TES: variants seen among roughly 807,000 people sequenced by gnomAD.
TES encodes testin.
A neutral mutation model predicts 48.2 loss-of-function variants in TES; 41 were observed. The observed-to-expected ratio is 0.85, with a 90% CI of 0.66 to 1.10. The LOEUF is 1.10. Ranked by LOEUF, TES falls within the 50% of genes least tolerant of loss-of-function variation. The pLI is 0.00. For synonymous variants in TES, 162 were observed against 174.9 expected (o/e 0.93, Z 0.58); for missense variants, 463 against 515.1 (o/e 0.90, Z 0.98).
chr7:116,255,918 TTAA>T (rs1197186754), intron 6 of TES, among the ~76,000 whole-genome samples: 1 of 146,844 alleles, frequency 6.8e-6, no homozygotes, highest in African/African-American at 2.6e-5. Flanking sequence ...AATGGAAAGA[TTAA>T]TATGAAATGC....
At chr7:116,231,909 G>A (rs1799705562) in intron 1 of TES, among the ~76,000 whole-genome samples, 1 of 152,080 alleles carries the variant, frequency 6.6e-6, no homozygotes, top group Admixed American at 6.6e-5. Flanking sequence ...TTGGCCAAGA[G>A]GTGGGGTCCA....
chr7:116,253,633 C>A (rs553297478), intron 6 of TES, among the ~76,000 whole-genome samples: 1 of 152,176 alleles, frequency 6.6e-6, no homozygotes. Flanking sequence ...CACACGTTCA[C>A]CATCATTTTC....
At chr7:116,257,061 A>G (rs530430119) in intron 6 of TES, among the ~76,000 whole-genome samples, 65 of 152,358 alleles carry the variant, frequency 4.3e-4, no homozygotes, top group African/African-American at 1.5e-3. Context: ...GTTATCTTAC[A>G]TGCATCAAAT....
At chr7:116,218,456 GT>G (rs1799519720) in intron 1 of TES, among the ~76,000 whole-genome samples, 1 of 152,074 alleles carries the variant, frequency 6.6e-6, no homozygotes, top group Admixed American at 6.5e-5. Context: ...GTGGATTTTT[GT>G]TTTTATATGA....
chr7:116,224,685 T>C (rs1468148529), intron 1 of TES, among the ~76,000 whole-genome samples: 1 of 152,190 alleles, frequency 6.6e-6, no homozygotes, highest in African/African-American at 2.4e-5. Context: ...TCCATGTTAG[T>C]GTAGCTGATG....
chr7:116,234,872 T>C (rs1799747246), intron 2 of TES, among the ~76,000 whole-genome samples: 1 of 152,244 alleles, frequency 6.6e-6, no homozygotes, highest in Non-Finnish European at 1.5e-5. Context: ...CCTTCGAGCC[T>C]GAAATACTGA....
chr7:116,252,864 T>C (rs1328398345), intron 6 of TES: 3 of 206,380 alleles, frequency 1.5e-5, no homozygotes, highest in Non-Finnish European at 3.0e-5. Context: ...GTTTGTGTTA[T>C]TGGACCACCC....
intron 1 of TES, chr7:116,211,312 C>T (rs1799436045): frequency 6.6e-6 from 1 of 152,172 alleles, no homozygotes; most frequent in African/African-American, 2.4e-5. Context: ...ACTTGTCTAC[C>T]GACCGAGGCA....
chr7:116,242,170 C>A (rs1799857009), intron 2 of TES, among the ~76,000 whole-genome samples: 1 of 152,130 alleles, frequency 6.6e-6, no homozygotes, highest in Admixed American at 6.5e-5. Flanking sequence ...TGCTGTAGCT[C>A]ACAGCCATAT....
rs554017721 is a variant in TES at position 116,252,418 on chromosome 7, A to G, written c.1019A>G (p.Tyr340Cys). 1.2e-6 allele frequency: 2 copies of G among 1,614,242 alleles called. No individual in the cohort carries two copies. Among genetic ancestry groups the G allele is most frequent in the African/African-American group, 1.3e-5 (1 of 75,066 alleles). ...GATAGCATTCTAGCTGGGGAGATATACGTGATGGTCAATGACAAGCCCGTG... is the reference window on the plus strand; with the variant it reads ...GATAGCATTCTAGCTGGGGAGATATGCGTGATGGTCAATGACAAGCCCGTG... ...DCDSILAGEIYVMVNDKPVCK... is the reference protein window; with the variant it reads ...DCDSILAGEICVMVNDKPVCK... Residue 340 changes from tyrosine (Y) to cysteine (C), a missense_variant, in exon 6 of 7, where the codon TAC becomes TGC. Coordinates refer to ENST00000358204, the MANE Select transcript of TES (RefSeq NM_015641.4).
At chr7:116,254,118 T>C (rs1034736684) in intron 6 of TES, among the ~76,000 whole-genome samples, 1 of 152,200 alleles carries the variant, frequency 6.6e-6, no homozygotes, top group African/African-American at 2.4e-5. Context: ...TCAATGAATA[T>C]TGTTGCAACA....
chr7:116,244,099 A>AG (rs947606792), intron 2 of TES, among the ~76,000 whole-genome samples: 1 of 152,180 alleles, frequency 6.6e-6, no homozygotes, highest in Non-Finnish European at 1.5e-5. Context: ...ATTCAAGATG[A>AG]GATTTGGGTG....
intron 1 of TES, among the ~76,000 whole-genome samples, chr7:116,230,389 T>C (rs1412916303): frequency 6.6e-6 from 1 of 152,212 alleles, no homozygotes; most frequent in African/African-American, 2.4e-5. Context: ...AGAGATTAAG[T>C]TGGCCTTCCA....
intron 2 of TES, among the ~76,000 whole-genome samples, chr7:116,239,735 C>T (rs1799818334): frequency 6.6e-6 from 1 of 152,176 alleles, no homozygotes; most frequent in South Asian, 2.1e-4. Flanking sequence ...ATGATTACAA[C>T]AGTAGAGGAA....
chr7:116,254,246 T>C (rs1800060896), intron 6 of TES, among the ~76,000 whole-genome samples: 1 of 152,148 alleles, frequency 6.6e-6, no homozygotes, highest in South Asian at 2.1e-4. Context: ...TATCTGCCTT[T>C]TCTATTCTGT....
chr7:116,238,596 T>TTATTATTATTATTA (rs1305851011), intron 2 of TES, among the ~76,000 whole-genome samples: 347 of 149,746 alleles, frequency 2.3e-3, no homozygotes, highest in African/African-American at 8.3e-3. Flanking sequence ...ATTATTATTA[T>TTATTATTATTATTA]TATTATTATT....
intron 3 of TES, chr7:116,249,953 C>T (rs1799979022): frequency 2.5e-6 from 1 of 393,772 alleles, no homozygotes; most frequent in Non-Finnish European, 4.5e-6. Context: ...TATATAATTT[C>T]ATGGAGAGAA....
chr7:116,231,838 C>G (rs992897476), intron 1 of TES, among the ~76,000 whole-genome samples: 11 of 152,236 alleles, frequency 7.2e-5, no homozygotes, highest in African/African-American at 2.6e-4. Flanking sequence ...CCCACCCACC[C>G]CCAGCTCCCC....
At chr7:116,237,241 C>T (rs1799783648) in intron 2 of TES, among the ~76,000 whole-genome samples, 1 of 152,088 alleles carries the variant, frequency 6.6e-6, no homozygotes, top group Non-Finnish European at 1.5e-5. Flanking sequence ...GACTTAGGAC[C>T]CTGAGGGCTC....
Sources: allele counts gnomAD v4.1 joint callset (sites outside exome capture counted in the v4.1 genomes callset), GRCh38; gene constraint gnomAD v4.1.1; transcripts MANE v1.5; gene names NCBI Gene and HGNC (gene_info 2026-07-23, HGNC 2026-07-21).